Variants in KAT7 observed in about 807,000 individuals in gnomAD.
The protein encoded by KAT7 is histone acetyltransferase KAT7.
KAT7 carries 10 observed loss-of-function variants against 82.1 expected under a neutral mutation model. That is an observed-to-expected ratio of 0.12 (90% CI 0.08 to 0.21). The LOEUF (loss-of-function observed/expected upper bound fraction) is 0.21. Ranked by LOEUF, KAT7 falls within the 10% of genes least tolerant of loss-of-function variation. The probability of loss-of-function intolerance (pLI) is 1.00; values close to 1 mark genes in which losing one functional copy is unlikely to be tolerated. For missense variants in KAT7, 378 were observed against 760.9 expected (o/e 0.50, Z 5.92); for synonymous variants, 250 against 262.5 (o/e 0.95, Z 0.46).
rs868104830 is a variant in KAT7 at position 49,823,096 on chromosome 17, G to C, written c.1387-106G>C. ...GCCTGGCAGCCACTCCTTGGGACTG[G>C]TTAGCCAGATGTTTTGCAAGCAGCC... On this transcript the variant is annotated intron_variant, in intron 11 of 14. Transcript: ENST00000259021. The C allele has an allele frequency of 4.8e-5, 33 of 693,130 alleles. No homozygotes were observed. In the African/African-American group the frequency reaches 4.9e-4, roughly 10 times the overall value. The allele number at this position is 693,130 out of a possible 1,614,324, so 42.9% of individuals were successfully genotyped here.
Position 49,803,112 on chromosome 17 carries a change from A to T in KAT7, c.581-2251A>T, listed in dbSNP as rs7221567. Among the ~76,000 whole-genome samples, 1,322 of 143,362 alleles carry T rather than the reference A, an allele frequency of 9.2e-3. 22 individuals are homozygous for T. The highest frequency in any genetic ancestry group is 0.031 in the African/African-American group (1,215 of 39,278). 94.1% of individuals were successfully genotyped at this position (143,362 alleles called of 152,430 possible). Reference sequence around the variant, plus strand: ...TAATTTTGCGGACCTCTAAAATTGCATTTTTTTTTTTTCTGAGACGGAATC... The same window carrying T: ...TAATTTTGCGGACCTCTAAAATTGCTTTTTTTTTTTTTCTGAGACGGAATC... On this transcript the variant is annotated intron_variant, in intron 4 of 14. Transcript: ENST00000259021.
At chr17:49,823,859 C>CT (rs1423216963) in intron 12 of KAT7, among the ~76,000 whole-genome samples, 2 of 152,276 alleles carry the variant, frequency 1.3e-5, no homozygotes, top group African/African-American at 4.8e-5. Flanking sequence ...GTTTTCAGCT[C>CT]TTACACTGTA....
In KAT7 at chr17:49,810,545, C is replaced by T. The variant is rs114017657; in HGVS notation, c.754-931C>T. Reference sequence around the variant, plus strand: ...GTGCTGGGATTATAAGCATGAGCCACGGTGCCCAACCTTGGGTTTTATTCT... The same window carrying T: ...GTGCTGGGATTATAAGCATGAGCCATGGTGCCCAACCTTGGGTTTTATTCT... On this transcript the variant is annotated intron_variant, in intron 6 of 14. Transcript: ENST00000259021. Among the ~76,000 whole-genome samples, 771 of 152,292 alleles carry T rather than the reference C, an allele frequency of 5.1e-3. 5 individuals are homozygous for T. The highest frequency in any genetic ancestry group is 0.018 in the African/African-American group (735 of 41,562).
chr17:49,790,610 A>G (rs1370540250), intron 1 of KAT7, among the ~76,000 whole-genome samples: 4 of 152,136 alleles, frequency 2.6e-5, no homozygotes, highest in African/African-American at 7.2e-5. Context: ...GAAAATGTAC[A>G]TTTTTTTAGT....
intron 10 of KAT7, 103 bp from the exon 11 acceptor site, chr17:49,821,547 C>T: frequency 6.6e-7 from 1 of 1,521,518 alleles, no homozygotes; most frequent in East Asian, 2.3e-5. Flanking sequence ...TGCCAAAATA[C>T]ACAATGTGTT....
intron 6 of KAT7, 42 bp from the exon 7 acceptor site, chr17:49,811,434 T>A (rs535392815): frequency 9.7e-7 from 1 of 1,034,894 alleles, no homozygotes; most frequent in South Asian, 1.6e-5. Flanking sequence ...AAGCTTAGCT[T>A]TATAAGGAGT....
At chr17:49,822,659 C>T (rs983689611) in intron 11 of KAT7, among the ~76,000 whole-genome samples, 14 of 152,108 alleles carry the variant, frequency 9.2e-5, no homozygotes, top group Admixed American at 3.9e-4. Context: ...GTGCAATCAA[C>T]CCAGTTTGCA....
At chr17:49,800,136 C>T (rs959278087) in intron 4 of KAT7, among the ~76,000 whole-genome samples, 8 of 150,896 alleles carry the variant, frequency 5.3e-5, no homozygotes, top group South Asian at 2.1e-4. Flanking sequence ...CTCAGCCTCT[C>T]GAGTAGCTGG....
intron 7 of KAT7, chr17:49,815,010 C>T (rs2074216385): frequency 6.6e-6 from 1 of 152,176 alleles, no homozygotes; most frequent in Admixed American, 6.6e-5. Flanking sequence ...AAATCAAAGG[C>T]TTAAAAGGGA....
At chr17:49,791,582 C>T (rs1460144624) in intron 1 of KAT7, among the ~76,000 whole-genome samples, 1 of 152,134 alleles carries the variant, frequency 6.6e-6, no homozygotes, top group African/African-American at 2.4e-5. Context: ...CACTTGAACC[C>T]GGGAGGCGGA....
rs754009545 is a variant in KAT7, at chr17:49,826,161, C to T, written c.1627+15C>T. On this transcript the variant is annotated intron_variant, in intron 13 of 14. Transcript: ENST00000259021. ...TTCTATCAAAGGTTGGTTTTTGACT[C>T]CTTGGAATGGTTGATTGTTACCCAA... The T allele has an allele frequency of 1.7e-5, 27 of 1,611,078 alleles. No homozygotes were observed. The highest frequency in any genetic ancestry group is 1.6e-4 in the Middle Eastern group (1 of 6,070).
At chr17:49,812,264 G>A (rs1356088227) in intron 7 of KAT7, among the ~76,000 whole-genome samples, 6 of 133,572 alleles carry the variant, frequency 4.5e-5, no homozygotes, top group Admixed American at 8.6e-5. Flanking sequence ...TGAGACAGTC[G>A]GCCAGGCTGG....
intron 7 of KAT7, among the ~76,000 whole-genome samples, chr17:49,814,348 A>C (rs369866899): frequency 6.6e-6 from 1 of 152,210 alleles, no homozygotes. Context: ...GTAGTGGGCT[A>C]TAGGGTACCA....
At chr17:49,809,855 C>T (rs2074139688) in intron 6 of KAT7, among the ~76,000 whole-genome samples, 1 of 152,212 alleles carries the variant, frequency 6.6e-6, no homozygotes, top group Non-Finnish European at 1.5e-5. Context: ...CCCAAATTCT[C>T]TCCCACCGTT....
chr17:49,790,580 C>T (rs534858589), intron 1 of KAT7, among the ~76,000 whole-genome samples: 4 of 152,236 alleles, frequency 2.6e-5, no homozygotes, highest in African/African-American at 9.6e-5. Context: ...TCTTAATTTC[C>T]CAAATACCGG....
chr17:49,828,027 A>G lies in KAT7; in HGVS notation c.*525A>G, dbSNP rs1476200719. 2.6e-5 allele frequency: 4 copies of G among 153,598 alleles called. No homozygotes were observed. Among genetic ancestry groups the G allele is most frequent in the African/African-American group, 9.6e-5 (4 of 41,580 alleles). 9.5% of individuals were successfully genotyped at this position (153,598 alleles called of 1,614,324 possible). A position where few individuals can be genotyped will look rare whatever the true frequency, so the allele number is the denominator to read the frequency against. On this transcript the variant is annotated 3_prime_UTR_variant, in exon 15 of 15. Coordinates refer to ENST00000259021, the MANE Select transcript of KAT7 (RefSeq NM_007067.5). Reference sequence around the variant, plus strand: ...TCACTTTGGGTTCCATCTTGCTTTAAATTTCTTCATTTTGATTAAGAGACC... The same window carrying G: ...TCACTTTGGGTTCCATCTTGCTTTAGATTTCTTCATTTTGATTAAGAGACC...
intron 6 of KAT7, 87 bp from the exon 7 acceptor site, chr17:49,811,389 G>A (rs2074163168): frequency 1.7e-6 from 1 of 603,032 alleles, no homozygotes; most frequent in Non-Finnish European, 2.8e-6. Flanking sequence ...TTACAGGCGT[G>A]AGCTACTGTG....
intron 7 of KAT7, among the ~76,000 whole-genome samples, chr17:49,812,382 G>A (rs1025668601): frequency 5.3e-5 from 8 of 151,340 alleles, no homozygotes; most frequent in Admixed American, 4.6e-4. Context: ...GTGCCACCAC[G>A]CCCAGCTAAT....
At chr17:49,816,269 A>C (rs1277831461) in intron 8 of KAT7, among the ~76,000 whole-genome samples, 2 of 152,216 alleles carry the variant, frequency 1.3e-5, no homozygotes, top group African/African-American at 4.8e-5. Context: ...TTGTTTTCTT[A>C]ATCCCAACAG....
Sources: gnomAD v4.1 joint callset for allele counts (sites outside exome capture counted in the v4.1 genomes callset) on GRCh38, gnomAD v4.1.1 for gene constraint, MANE v1.5 for transcripts, NCBI Gene and HGNC (gene_info 2026-07-23, HGNC 2026-07-21) for gene names.